NMRK2: variants seen among roughly 807,000 people sequenced by gnomAD.
NMRK2 encodes the protein nicotinamide riboside kinase 2.
NMRK2 carries 34 observed loss-of-function variants against 24.7 expected under a neutral mutation model. The observed-to-expected ratio is 1.37, with a 90% CI of 1.05 to 1.83. The LOEUF (loss-of-function observed/expected upper bound fraction) is 1.83, where lower values mean the gene tolerates loss of function less well. Ranked by LOEUF, NMRK2 falls within the 40% of genes most tolerant of loss-of-function variation. The pLI is 0.00. For missense variants in NMRK2, 341 were observed against 315.0 expected (o/e 1.08, Z -0.62); for synonymous variants, 145 against 125.6 (o/e 1.15, Z -1.03).
Position 3,942,175 on chromosome 19 carries a change from GC to G in NMRK2, c.600del (p.Ser201ProfsTer64), listed in dbSNP as rs1350336680. The stretch of plus-strand genomic sequence containing the variant: ...GCTGCTGAACCGCTCCCAGGAATCA[GC>G]CCCCTCCCCGGCTCGCCCAGCCAGG... ...NSLLNRSQESAPSPARPARTQ... is the reference protein window; with the variant it reads ...NSLLNRSQESXPSPARPARTQ... On this transcript the variant is annotated frameshift_variant, in exon 8 of 8. Transcript: ENST00000168977. LOFTEE classifies it low-confidence loss of function (END_TRUNC). 1 of 1,613,142 alleles carries G rather than the reference GC, an allele frequency of 6.2e-7. No individual in the cohort carries two copies. The highest frequency in any genetic ancestry group is 1.3e-5 in the African/African-American group (1 of 74,936).
chr19:3,935,727 GCAC>G (rs2039201748), intron 2 of NMRK2, among the ~76,000 whole-genome samples: 1 of 151,872 alleles, frequency 6.6e-6, no homozygotes, highest in African/African-American at 2.4e-5. Flanking sequence ...CTACAGGCAT[GCAC>G]CACCACACCT....
Position 3,938,834 on chromosome 19 carries a change from TTTTTTTTTTGTTTTG to T in NMRK2, c.323+85_323+99del, listed in dbSNP as rs2039271042. The T allele has an allele frequency of 2.8e-5, 17 of 609,224 alleles. No individual in the cohort carries two copies. In the African/African-American group the frequency reaches 5.3e-4, roughly 19 times the overall value. 37.7% of individuals were successfully genotyped at this position (609,224 alleles called of 1,614,324 possible). On this transcript the variant is annotated intron_variant, in intron 5 of 7. Coordinates refer to ENST00000168977, the MANE Select transcript of NMRK2 (RefSeq NM_170678.3). ...ATAGCCATCTCTTGTTTTTTTTTTTTTTTTTTTTTGTTTTGTTTTTTTTTTTTTTTGAGACAAGAG... is the reference window on the plus strand; with the variant it reads ...ATAGCCATCTCTTGTTTTTTTTTTTTTTTTTTTTTTTTTTTGAGACAAGAG...
intron 2 of NMRK2, 91 bp from the exon 3 acceptor site, chr19:3,936,484 G>A (rs2039215643): frequency 2.5e-6 from 2 of 799,054 alleles, no homozygotes; most frequent in Admixed American, 5.9e-5. Context: ...CAGGCCCCGG[G>A]GAGCCCAGGC....
At position 3,936,557 on chromosome 19, in the gene NMRK2, C is replaced by T; in HGVS notation, c.27-18C>T. The T allele has an allele frequency of 6.5e-7, 1 of 1,531,726 alleles. No individual in the cohort carries two copies. Among genetic ancestry groups the T allele is most frequent in the Non-Finnish European group, 8.8e-7 (1 of 1,140,236 alleles). The allele number at this position is 1,531,726 out of a possible 1,614,324, so 94.9% of individuals were successfully genotyped here. Reference sequence around the variant, plus strand: ...TGGGGGGAGCCCAGGCAGTCTCATGCACACGCTGTCTCCCCAGCATGACCA... The same window carrying T: ...TGGGGGGAGCCCAGGCAGTCTCATGTACACGCTGTCTCCCCAGCATGACCA... On this transcript the variant is annotated intron_variant, in intron 2 of 7. Transcript: ENST00000168977.
At chr19:3,940,932 GC>G in intron 6 of NMRK2, 138 bp from the exon 7 acceptor site, 1 of 588,128 alleles carries the variant, frequency 1.7e-6, no homozygotes, top group Non-Finnish European at 3.0e-6. Flanking sequence ...GGAGCCTCTA[GC>G]CCAGGGCTTC....
At position 3,941,141 on chromosome 19, in the gene NMRK2, T is replaced by A. The variant is rs760693075; in HGVS notation, c.466T>A (p.Tyr156Asn). ...CCACGTGTGGCCCATGTACCAGAAG[T>A]ATAGGCAGGAGATGGAGGCCAACGG... The part of the protein sequence containing the change: ...DGHVWPMYQK[Y>N]RQEMEANGVE... The change falls in exon 7 of 8, where the codon TAT becomes AAT. Residue 156 changes from tyrosine (Y) to asparagine (N), a missense_variant. Tyr to Asn is a moderately radical substitution (Grantham distance 143). Coordinates refer to ENST00000168977, the MANE Select transcript of NMRK2 (RefSeq NM_170678.3). The A allele has an allele frequency of 6.2e-7, 1 of 1,613,326 alleles. No individual in the cohort carries two copies. The highest frequency in any genetic ancestry group is 1.1e-5 in the South Asian group (1 of 91,038).
At chr19:3,937,178 C>T in intron 3 of NMRK2, 62 bp from the exon 4 acceptor site, 1 of 1,578,480 alleles carries the variant, frequency 6.3e-7, no homozygotes, top group Non-Finnish European at 8.7e-7. Flanking sequence ...GACTCCATCA[C>T]CCAGGCCGGG....
intron 7 of NMRK2, among the ~76,000 whole-genome samples, chr19:3,941,681 C>T (rs900616677): frequency 2.0e-5 from 3 of 151,782 alleles, no homozygotes; most frequent in Admixed American, 6.6e-5. Context: ...CTTGTTCTGT[C>T]GCCCAGGCTG....
chr19:3,941,219 G>A, intron 7 of NMRK2, 42 bp downstream of exon 7: 1 of 1,058,572 alleles, frequency 9.4e-7, no homozygotes, highest in African/African-American at 1.6e-5. Flanking sequence ...CGGGCGGGCG[G>A]GGGGGACCCT....
At position 3,939,947 on chromosome 19, in the gene NMRK2, A is replaced by G. The variant is rs748370713; in HGVS notation, c.371A>G (p.Tyr124Cys). The change falls in exon 6 of 8, where the codon TAT (tyrosine) becomes TGT (cysteine). Residue 124 changes from tyrosine (Y) to cysteine (C), a missense_variant. By Grantham distance (194) the Tyr-to-Cys change is radical. Transcript: ENST00000168977. The stretch of plus-strand genomic sequence containing the variant: ...CGCCGGTACTTCCTGACCGTCCCGT[A>G]TGAAGAGTGCAAGTGGAGGAGAAGG... ...YSRRYFLTVP[Y>C]EECKWRRSTR... The G allele has an allele frequency of 1.2e-6, 2 of 1,612,228 alleles. No homozygotes were observed. Among genetic ancestry groups the G allele is most frequent in the Non-Finnish European group, 1.7e-6 (2 of 1,178,480 alleles).
At position 3,934,492 on chromosome 19, in the gene NMRK2, C is replaced by T. The variant is rs970107540; in HGVS notation, c.26+795C>T. 4.0e-5 allele frequency among the ~76,000 whole-genome samples: 6 copies of T among 151,178 alleles called. No homozygotes were observed. The East Asian group carries it at 9.8e-4, about 25-fold the overall frequency. On this transcript the variant is annotated intron_variant, in intron 2 of 7. Transcript: ENST00000168977. ...GCTCACACCCCCGCCTCAGAAGGGACGGGAGCTTGGTCTAATGCTAGCCGG... is the reference window on the plus strand; with the variant it reads ...GCTCACACCCCCGCCTCAGAAGGGATGGGAGCTTGGTCTAATGCTAGCCGG...
At chr19:3,933,749 C>G in intron 2 of NMRK2, 52 bp downstream of exon 2, 1 of 1,369,312 alleles carries the variant, frequency 7.3e-7, no homozygotes, top group Non-Finnish European at 9.4e-7. Flanking sequence ...GCCCCCTGTG[C>G]GCGCAGAGGG....
chr19:3,939,441 G>C (rs2039286969), intron 5 of NMRK2, among the ~76,000 whole-genome samples: 1 of 151,972 alleles, frequency 6.6e-6, no homozygotes. Context: ...TTGAACCCGG[G>C]AAGTGGAGGT....
chr19:3,935,579 A>G (rs2039199604), intron 2 of NMRK2, among the ~76,000 whole-genome samples: 1 of 150,690 alleles, frequency 6.6e-6, no homozygotes, highest in East Asian at 2.0e-4. Flanking sequence ...TTATCTATTT[A>G]TGTATTTATT....
At chr19:3,934,691 C>G (rs1003216611) in intron 2 of NMRK2, among the ~76,000 whole-genome samples, 7 of 151,906 alleles carry the variant, frequency 4.6e-5, no homozygotes, top group African/African-American at 1.7e-4. Context: ...AAGCAATTCT[C>G]CTGCCTCAGC....
Position 3,937,226 on chromosome 19 carries a change from C to A in NMRK2, c.118-14C>A, listed in dbSNP as rs763071227. The A allele has an allele frequency of 1.9e-6, 3 of 1,612,842 alleles. No homozygotes were observed. The highest frequency in any genetic ancestry group is 2.5e-6 in the Non-Finnish European group (3 of 1,179,404). ...CCGGGCACTGAGCCCGAGGTTCAGG[C>A]TCCTCTGTTTCAGCCCCAAGACCAA... On this transcript the variant is annotated splice_polypyrimidine_tract_variant and intron_variant, in intron 3 of 7. Transcript: ENST00000168977.
chr19:3,938,182 C>T (rs2039250056), intron 4 of NMRK2, among the ~76,000 whole-genome samples: 1 of 134,958 alleles, frequency 7.4e-6, no homozygotes, highest in African/African-American at 2.8e-5. Flanking sequence ...TGCCCGCTAC[C>T]CGTCCACTGT....
At position 3,942,405 on chromosome 19, in the gene NMRK2, C is replaced by A; in HGVS notation, c.*132C>A. ...TGCAGCTTCAGTAGTAAACTGGGTC[C>A]TGTTTTTTTAACTGTTGGTGTCTAC... On this transcript the variant is annotated 3_prime_UTR_variant, in exon 8 of 8. Coordinates refer to ENST00000168977, the MANE Select transcript of NMRK2 (RefSeq NM_170678.3). The A allele has an allele frequency of 1.3e-6, 1 of 783,368 alleles. No homozygotes were observed. Among genetic ancestry groups the A allele is most frequent in the Non-Finnish European group, 2.0e-6 (1 of 501,926 alleles). The allele number at this position is 783,368 out of a possible 1,614,324, so 48.5% of individuals were successfully genotyped here.
In NMRK2 at chr19:3,942,248, C is replaced by T. The variant is rs756887862; in HGVS notation, c.668C>T (p.Ala223Val). 8.6e-5 allele frequency: 139 copies of T among 1,610,792 alleles called. No homozygotes were observed. The highest frequency in any genetic ancestry group is 1.1e-4 in the Non-Finnish European group (126 of 1,179,220). Residue 223 changes from alanine (A) to valine (V), a missense_variant, in exon 8 of 8, where the codon GCA becomes GTA. Coordinates refer to ENST00000168977, the MANE Select transcript of NMRK2 (RefSeq NM_170678.3). Reference sequence around the variant, plus strand: ...TGCGGCCACAGAACGGCCAGGCCTGCAGCGTCCCAGCAGGACAGCATGTGA... The same window carrying T: ...TGCGGCCACAGAACGGCCAGGCCTGTAGCGTCCCAGCAGGACAGCATGTGA... Reference protein sequence around the residue: ...RGCGHRTARPAASQQDSM With the variant: ...RGCGHRTARPVASQQDSM
Sources: gnomAD v4.1 joint callset for allele counts (sites outside exome capture counted in the v4.1 genomes callset) on GRCh38, gnomAD v4.1.1 for gene constraint, MANE v1.5 for transcripts, NCBI Gene and HGNC (gene_info 2026-07-23, HGNC 2026-07-21) for gene names.